CAST: variants seen among roughly 807,000 people sequenced by gnomAD.
The protein encoded by CAST is calpastatin.
In CAST, 76 loss-of-function variants were observed where a neutral mutation model predicts 119.6. The ratio of observed to expected loss-of-function variants is 0.64; its 90% confidence interval spans 0.53 to 0.77. The LOEUF is 0.77. Ranked by LOEUF, CAST falls within the 30% of genes least tolerant of loss-of-function variation. The pLI is 0.00. For missense variants in CAST, 953 were observed against 946.5 expected (o/e 1.01, Z -0.09); for synonymous variants, 319 against 331.6 (o/e 0.96, Z 0.41).
At chr5:96,509,162 G>C in the CAST span, among the ~76,000 whole-genome samples, 1 of 152,162 alleles carries the variant, frequency 6.6e-6, no homozygotes, top group African/African-American at 2.4e-5. Context: ...AATAATCTCT[G>C]TCACACATCG....
At chr5:96,115,552 C>T in the CAST span, among the ~76,000 whole-genome samples, 1 of 152,112 alleles carries the variant, frequency 6.6e-6, no homozygotes, top group East Asian at 1.9e-4. Context: ...AGTGGTAGAC[C>T]TGTAATTAGA....
At chr5:96,684,856 C>T (rs1751886072) in intron 2 of CAST, among the ~76,000 whole-genome samples, 1 of 152,084 alleles carries the variant, frequency 6.6e-6, no homozygotes, top group African/African-American at 2.4e-5. Flanking sequence ...AGACATGAGC[C>T]ACCATGCCAG....
the CAST span, among the ~76,000 whole-genome samples, chr5:95,963,725 C>CTCTTTTTTTTT: frequency 2.3e-5 from 3 of 129,990 alleles, no homozygotes; most frequent in African/African-American, 8.9e-5. Flanking sequence ...TTCTCTCTCT[C>CTCTTTTTTTTT]TTTTTTTTTT....
intron 1 of CAST, among the ~76,000 whole-genome samples, chr5:96,600,841 C>T (rs1166000599): frequency 6.6e-6 from 1 of 152,134 alleles, no homozygotes; most frequent in Non-Finnish European, 1.5e-5. Flanking sequence ...ATTTAACATT[C>T]AAATTACAGA....
chr5:96,541,961 A>G (rs2217718), intron 1 of CAST, among the ~76,000 whole-genome samples: 89,444 of 152,056 alleles, frequency 0.59, 27,002 homozygotes, highest in East Asian at 0.86. Context: ...ACAGCTTTTA[A>G]ATTCAATTGG....
the CAST span, among the ~76,000 whole-genome samples, chr5:96,187,976 G>C: frequency 6.6e-6 from 1 of 152,138 alleles, no homozygotes; most frequent in Non-Finnish European, 1.5e-5. Flanking sequence ...ACATGCCTTT[G>C]TAGTTACCCA....
intron 2 of CAST, among the ~76,000 whole-genome samples, chr5:96,687,690 A>T (rs1200253894): frequency 6.6e-6 from 1 of 152,214 alleles, no homozygotes; most frequent in Non-Finnish European, 1.5e-5. Context: ...CATTCTAGAA[A>T]TATATCATTC....
chr5:95,980,085 T>C, the CAST span, among the ~76,000 whole-genome samples: 13 of 152,068 alleles, frequency 8.5e-5, no homozygotes, highest in Non-Finnish European at 1.5e-4. Flanking sequence ...ACCATCGCAC[T>C]CTAACCTGGG....
At chr5:96,431,181 C>T in the CAST span, among the ~76,000 whole-genome samples, 1 of 152,078 alleles carries the variant, frequency 6.6e-6, no homozygotes, top group African/African-American at 2.4e-5. Context: ...CTACTCATAC[C>T]CTCTTTGGGT....
chr5:96,763,343 CGT>C (rs537007209), intron 25 of CAST: 3 of 751,422 alleles, frequency 4.0e-6, no homozygotes, highest in Non-Finnish European at 7.4e-6. Flanking sequence ...TAAAATGCCC[CGT>C]GTGTGTGTAT....
At chr5:96,311,570 G>T in the CAST span, among the ~76,000 whole-genome samples, 1 of 151,796 alleles carries the variant, frequency 6.6e-6, no homozygotes, top group Admixed American at 6.6e-5. Context: ...ATATATTTAG[G>T]TGTTCCACTG....
At chr5:96,263,369 G>A in the CAST span, among the ~76,000 whole-genome samples, 2 of 152,142 alleles carry the variant, frequency 1.3e-5, no homozygotes, top group African/African-American at 4.8e-5. Flanking sequence ...GAAACTGAAA[G>A]TGAAGAAGAA....
At chr5:96,546,175 C>T (rs1746013529) in intron 1 of CAST, 1 of 152,172 alleles carries the variant, frequency 6.6e-6, no homozygotes, top group Non-Finnish European at 1.5e-5. Context: ...ATAGGGCCAA[C>T]ATAATGTGCA....
At chr5:96,566,492 G>A (rs1746471930) in intron 1 of CAST, among the ~76,000 whole-genome samples, 3 of 152,176 alleles carry the variant, frequency 2.0e-5, no homozygotes, top group Non-Finnish European at 4.4e-5. Context: ...CAAACAGGAG[G>A]AACCACAGGT....
chr5:96,742,823 C>T, intron 16 of CAST, 67 bp downstream of exon 16: 1 of 1,060,386 alleles, frequency 9.4e-7, no homozygotes, highest in Non-Finnish European at 1.4e-6. Flanking sequence ...ATGCACTCTG[C>T]ATGTTTAGAA....
the CAST span, among the ~76,000 whole-genome samples, chr5:96,427,065 G>A: frequency 6.6e-6 from 1 of 152,172 alleles, no homozygotes; most frequent in Non-Finnish European, 1.5e-5. Flanking sequence ...TAGGGAATAA[G>A]TACTAATCTT....
the CAST span, among the ~76,000 whole-genome samples, chr5:96,400,539 G>A: frequency 1.3e-5 from 2 of 152,082 alleles, no homozygotes; most frequent in Non-Finnish European, 2.9e-5. Context: ...CTTTCTTTAT[G>A]CCCTCCAGTC....
chr5:96,350,868 C>G, the CAST span, among the ~76,000 whole-genome samples: 1 of 152,130 alleles, frequency 6.6e-6, no homozygotes, highest in Non-Finnish European at 1.5e-5. Flanking sequence ...ACAATCACAA[C>G]TGGAACTGAT....
chr5:96,145,446 A>G, the CAST span, among the ~76,000 whole-genome samples: 3 of 152,196 alleles, frequency 2.0e-5, no homozygotes, highest in Non-Finnish European at 4.4e-5. Flanking sequence ...GTAGAAGACA[A>G]AGACTCAGAT....
Sources: gnomAD v4.1 joint callset for allele counts (sites outside exome capture counted in the v4.1 genomes callset) on GRCh38, gnomAD v4.1.1 for gene constraint, MANE v1.5 for transcripts, NCBI Gene and HGNC (gene_info 2026-07-23, HGNC 2026-07-21) for gene names.